NIN: variants seen among roughly 807,000 people sequenced by gnomAD.
NIN encodes glycogen synthase kinase 3 beta-interacting protein.
Under a neutral mutation model 257.6 loss-of-function variants are expected in NIN, and 137 were observed. The ratio of observed to expected loss-of-function variants is 0.53; its 90% CI spans 0.46 to 0.61. The LOEUF is 0.61. Among genes scored for constraint, NIN ranks in the 20% least tolerant of loss-of-function variants. NIN has a pLI of 0.00. For synonymous variants in NIN, 918 were observed against 919.8 expected (o/e 1.00, Z 0.04); for missense variants, 2,439 against 2,501.2 (o/e 0.98, Z 0.53).
At chr14:50,740,734 G>A (rs991565865) in intron 25 of NIN, among the ~76,000 whole-genome samples, 4 of 151,608 alleles carry the variant, frequency 2.6e-5, no homozygotes, top group African/African-American at 7.3e-5. Flanking sequence ...TGCCTGCCTC[G>A]GCCTCCCAAA....
intron 3 of NIN, among the ~76,000 whole-genome samples, chr14:50,813,707 C>A (rs2044748667): frequency 1.3e-5 from 2 of 152,178 alleles, no homozygotes; most frequent in African/African-American, 2.4e-5. Context: ...TCATGGAGAT[C>A]AAATGCAGTT....
intron 21 of NIN, among the ~76,000 whole-genome samples, chr14:50,748,957 C>A (rs1430086609): frequency 6.6e-6 from 1 of 152,156 alleles, no homozygotes; most frequent in Non-Finnish European, 1.5e-5. Context: ...TTAGAAAAAA[C>A]TACTTTAAAT....
chr14:50,776,398 C>T (rs2042924800), intron 7 of NIN, among the ~76,000 whole-genome samples: 1 of 152,164 alleles, frequency 6.6e-6, no homozygotes. Flanking sequence ...ATTGTAATGG[C>T]TGCTGGCTGC....
chr14:50,756,420 G>T, intron 18 of NIN, 72 bp downstream of exon 18: 2 of 1,487,658 alleles, frequency 1.3e-6, no homozygotes, highest in Non-Finnish European at 9.0e-7. Flanking sequence ...CTCTAGGCAC[G>T]GCAAGCAGTG....
intron 28 of NIN, chr14:50,730,900 T>C (rs887429416): frequency 7.5e-7 from 1 of 1,336,898 alleles, no homozygotes; most frequent in African/African-American, 1.5e-5. Context: ...GCTATGAAAG[T>C]TCATTGAAAG....
At chr14:50,776,884 C>G in intron 7 of NIN, 65 bp downstream of exon 7, 3 of 1,432,232 alleles carry the variant, frequency 2.1e-6, no homozygotes, top group Non-Finnish European at 1.9e-6. Flanking sequence ...TACAGCTGTT[C>G]CTAGCATGTG....
chr14:50,818,193 G>A (rs1003244789), intron 3 of NIN, among the ~76,000 whole-genome samples: 44 of 151,552 alleles, frequency 2.9e-4, no homozygotes, highest in African/African-American at 1.0e-3. Context: ...TGTGTTGGTG[G>A]GCGCCTGTAG....
intron 15 of NIN, among the ~76,000 whole-genome samples, chr14:50,762,784 G>C (rs2042323263): frequency 6.6e-6 from 1 of 152,322 alleles, no homozygotes; most frequent in South Asian, 2.1e-4. Context: ...GCAGATGGAA[G>C]AAAGGAACTT....
intron 3 of NIN, 75 bp downstream of exon 3, chr14:50,821,798 TG>T: frequency 1.7e-6 from 2 of 1,164,646 alleles, no homozygotes; most frequent in African/African-American, 1.5e-5. Flanking sequence ...GCAACATGTG[TG>T]GTCCGCCCCA....
Position 50,748,121 on chromosome 14 carries a change from AAAAGTC to A in NIN, c.4951-22_4951-17del, listed in dbSNP as rs777121349. ...AAGTGGAGGACTAAGAGAAAAATGA[AAAAGTC>A]AAATAACAGACATACATATTTAGGC... On this transcript the variant is annotated splice_polypyrimidine_tract_variant and intron_variant, in intron 21 of 30. Transcript: ENST00000530997. 6.4e-7 allele frequency: 1 copy of A among 1,552,302 alleles called. No homozygotes were observed. Among genetic ancestry groups the A allele is most frequent in the Admixed American group, 1.7e-5 (1 of 59,760 alleles).
chr14:50,757,874 C>T lies in NIN; in HGVS notation c.3156G>A (p.Leu1052=). Residue 1052 remains leucine (L), a synonymous_variant, in exon 18 of 31, where the codon CTG becomes CTA. Transcript: ENST00000530997. ...CCAACAGCTGCTCCCCTTGCTGAAG[C>T]AGGGACAGGGCTCCATCTCCTTCCA... is the stretch of plus-strand genomic sequence containing the variant. The part of the protein sequence containing the change: ...EEVEGDGALS[L]LQQGEQLLEE... The T allele has an allele frequency of 6.2e-7, 1 of 1,614,186 alleles. No homozygotes were observed. The highest frequency in any genetic ancestry group is 8.5e-7 in the Non-Finnish European group (1 of 1,180,036).
chr14:50,806,853 C>T lies in NIN; in HGVS notation c.184-35G>A. 2 of 1,080,630 alleles carry T rather than the reference C, an allele frequency of 1.9e-6. 1 individual carries two copies. The highest frequency in any genetic ancestry group is 2.8e-6 in the Non-Finnish European group (2 of 720,650). 66.9% of individuals were successfully genotyped at this position (1,080,630 alleles called of 1,614,324 possible). Reference sequence around the variant, plus strand: ...ATTAAAAATAGATTTAAAGTAATTTCCACAGCTCTAAGAATGCAAACCTAT... The same window carrying T: ...ATTAAAAATAGATTTAAAGTAATTTTCACAGCTCTAAGAATGCAAACCTAT... On this transcript the variant is annotated intron_variant, in intron 3 of 30. Transcript: ENST00000530997.
chr14:50,811,984 G>A (rs1270142991), intron 3 of NIN, among the ~76,000 whole-genome samples: 1 of 152,004 alleles, frequency 6.6e-6, no homozygotes, highest in East Asian at 1.9e-4. Context: ...AGCTGGGCGT[G>A]GTGGCAGTGC....
At chr14:50,771,636 G>C (rs543070911) in intron 9 of NIN, among the ~76,000 whole-genome samples, 168 bp from the exon 10 acceptor site, 1 of 152,000 alleles carries the variant, frequency 6.6e-6, no homozygotes, top group South Asian at 2.1e-4. Context: ...CTAGAACACA[G>C]TTAAGTTTTC....
intron 15 of NIN, among the ~76,000 whole-genome samples, chr14:50,762,485 T>C (rs2042311914): frequency 6.6e-6 from 1 of 152,192 alleles, no homozygotes; most frequent in East Asian, 1.9e-4. Context: ...CAGCTATTAT[T>C]GGCTAAAATT....
chr14:50,736,101 A>T (rs550501141), intron 27 of NIN, among the ~76,000 whole-genome samples: 42 of 152,194 alleles, frequency 2.8e-4, no homozygotes, highest in Non-Finnish European at 7.4e-5. Flanking sequence ...ATAAAACCTG[A>T]TTTATATAAC....
At chr14:50,770,213 C>T (rs965220638) in intron 12 of NIN, among the ~76,000 whole-genome samples, 175 bp downstream of exon 12, 1 of 152,170 alleles carries the variant, frequency 6.6e-6, no homozygotes, top group Non-Finnish European at 1.5e-5. Flanking sequence ...CTGGGTAGCC[C>T]TGCTGAAATC....
chr14:50,766,900 T>C lies in NIN; in HGVS notation c.1435-10A>G. 6.3e-7 allele frequency: 1 copy of C among 1,576,652 alleles called. No homozygotes were observed. Among genetic ancestry groups the C allele is most frequent in the African/African-American group, 1.3e-5 (1 of 74,286 alleles). On this transcript the variant is annotated splice_polypyrimidine_tract_variant and intron_variant, in intron 12 of 30. Coordinates refer to ENST00000530997, the MANE Select transcript of NIN (RefSeq NM_020921.4). ...CCAGACGACTGTTTTCCTGAACAAG[T>C]ATGGGGAAATTAAATGTGGTACAGA...
intron 4 of NIN, among the ~76,000 whole-genome samples, chr14:50,793,105 C>T (rs555182039): frequency 1.2e-4 from 18 of 152,078 alleles, no homozygotes; most frequent in Admixed American, 3.9e-4. Flanking sequence ...CTGCACATGA[C>T]GGGAGCAATC....
Sources: allele counts gnomAD v4.1 joint callset (sites outside exome capture counted in the v4.1 genomes callset), GRCh38; gene constraint gnomAD v4.1.1; transcripts MANE v1.5; gene names NCBI Gene and HGNC (gene_info 2026-07-23, HGNC 2026-07-21).